The following TDRD1 variants were observed in gnomAD, a reference collection of about 807,000 sequenced individuals.
TDRD1 encodes tudor domain-containing protein 1.
A neutral mutation model predicts 140.6 loss-of-function variants in TDRD1; 37 were observed. The observed-to-expected ratio is 0.26, with a 90% confidence interval of 0.20 to 0.35. TDRD1 has a LOEUF of 0.35. Ranked by LOEUF, TDRD1 falls within the 10% of genes least tolerant of loss-of-function variation. The pLI is 1.00. For missense variants in TDRD1, 1,243 were observed against 1,393.0 expected (o/e 0.89, Z 1.71); for synonymous variants, 506 against 475.7 (o/e 1.06, Z -0.83).
intron 13 of TDRD1, among the ~76,000 whole-genome samples, chr10:114,211,474 A>T (rs1426198182): frequency 6.6e-6 from 1 of 152,146 alleles, no homozygotes; most frequent in Non-Finnish European, 1.5e-5. Context: ...TCCTTCAGTA[A>T]ATTCATCACT....
chr10:114,226,940 G>C (rs1410339454), intron 22 of TDRD1, 132 bp from the exon 23 acceptor site: 9 of 597,454 alleles, frequency 1.5e-5, no homozygotes, highest in Admixed American at 6.2e-5. Flanking sequence ...TAATGCAACA[G>C]CAGTAGTACA....
rs547595119 is a variant in TDRD1, at chr10:114,194,774, T to A, written c.384+3755T>A. On this transcript the variant is annotated intron_variant, in intron 3 of 25. Coordinates refer to ENST00000251864, the Ensembl canonical transcript of TDRD1. ...TGGTTGTTGGTTTTTTTTTTTTTTT[T>A]ATTAGACAAGGTCTCCCTCTGTCAT... Among the ~76,000 whole-genome samples the A allele has an allele frequency of 1.6e-4, 24 of 150,488 alleles. No individual in the cohort carries two copies. The South Asian group carries it at 1.9e-3, about 12-fold the overall frequency.
chr10:114,191,150 T>A (rs2033932957), intron 3 of TDRD1, 131 bp downstream of exon 3: 1 of 1,022,350 alleles, frequency 9.8e-7, no homozygotes, highest in East Asian at 2.7e-5. Context: ...TGTACATTTT[T>A]AAAAAAAGAA....
chr10:114,185,642 C>T (rs1169831428), intron 1 of TDRD1, among the ~76,000 whole-genome samples: 1 of 151,990 alleles, frequency 6.6e-6, no homozygotes, highest in Non-Finnish European at 1.5e-5. Flanking sequence ...GGCTGGAGTG[C>T]AATGGTGTGA....
intron 25 of TDRD1, chr10:114,228,812 G>A (rs1027126787): frequency 2.0e-6 from 2 of 983,898 alleles, no homozygotes; most frequent in African/African-American, 1.7e-5. Flanking sequence ...GGCTGGGGGT[G>A]GTGGCTCACG....
chr10:114,177,987 C>T (rs1245117727), upstream of TDRD1, among the ~76,000 whole-genome samples: 3 of 151,920 alleles, frequency 2.0e-5, no homozygotes, highest in African/African-American at 7.2e-5. Flanking sequence ...CGCCTGCCAC[C>T]ACACCCAGCT....
chr10:114,182,471 T>C (rs1300276883), intron 1 of TDRD1, among the ~76,000 whole-genome samples: 1 of 152,232 alleles, frequency 6.6e-6, no homozygotes, highest in African/African-American at 2.4e-5. Flanking sequence ...CGGATGTTGT[T>C]TCTAAAGTCA....
At chr10:114,228,518 T>G (rs573427383) in intron 25 of TDRD1, 3 of 994,384 alleles carry the variant, frequency 3.0e-6, no homozygotes, top group African/African-American at 3.5e-5. Flanking sequence ...TAAATATGTT[T>G]AGCACTTTTT....
Position 114,205,275 on chromosome 10 carries a change from T to C in TDRD1, c.1297+382T>C, listed in dbSNP as rs968914438. On this transcript the variant is annotated intron_variant, in intron 10 of 25. Coordinates refer to ENST00000251864, the Ensembl canonical transcript of TDRD1. ...TTTGGCTAGTACATAGTAGCTAAGC[T>C]GTGGAAATGGAAATGCTTTAGAATT... Among the ~76,000 whole-genome samples, 10 of 152,238 alleles carry C rather than the reference T, an allele frequency of 6.6e-5. 1 individual carries two copies. Among genetic ancestry groups the C allele is most frequent in the African/African-American group, 1.2e-4 (5 of 41,462 alleles).
intron 3 of TDRD1, among the ~76,000 whole-genome samples, chr10:114,197,427 A>C (rs1231154214): frequency 2.0e-5 from 3 of 151,610 alleles, no homozygotes; most frequent in African/African-American, 7.3e-5. Context: ...TATATCTTTT[A>C]TTTCTTTAGG....
chr10:114,220,623 G>A (rs778237102), exon 19 of TDRD1: 8 of 1,613,244 alleles, frequency 5.0e-6, no homozygotes, highest in Non-Finnish European at 4.2e-6. Context: ...GATTCCAGAT[G>A]TGTGTTGCTG....
At chr10:114,204,680 T>G (rs1370027441) in intron 9 of TDRD1, 42 bp from the exon 10 acceptor site, 1 of 1,556,978 alleles carries the variant, frequency 6.4e-7, no homozygotes. Context: ...AAATCATTTT[T>G]AAATGGTAAT....
exon 26 of TDRD1, chr10:114,231,734 A>T (rs530044999): frequency 4.0e-6 from 2 of 506,112 alleles, no homozygotes; most frequent in African/African-American, 2.0e-5. Context: ...CAAATCAATG[A>T]GAATACTGGC....
exon 2 of TDRD1, chr10:114,187,883 C>G (rs575641347): frequency 1.9e-6 from 3 of 1,608,352 alleles, no homozygotes; most frequent in South Asian, 1.1e-5. Flanking sequence ...TTTGGAAGCA[C>G]CTCCTTGTAA....
intron 1 of TDRD1, among the ~76,000 whole-genome samples, chr10:114,181,290 C>A (rs1272922614): frequency 6.6e-6 from 1 of 152,160 alleles, no homozygotes; most frequent in East Asian, 1.9e-4. Flanking sequence ...AAATATATTT[C>A]TATTTATCAC....
chr10:114,206,543 A>G (rs1449464030), intron 11 of TDRD1, among the ~76,000 whole-genome samples: 1 of 151,756 alleles, frequency 6.6e-6, no homozygotes, highest in Non-Finnish European at 1.5e-5. Context: ...TTCCACATGA[A>G]TCCTTAACAT....
At chr10:114,209,649 G>C (rs17777113) in intron 11 of TDRD1, among the ~76,000 whole-genome samples, 24,692 of 152,036 alleles carry the variant, frequency 0.16, 2,176 homozygotes, top group Middle Eastern at 0.22. Context: ...TTCAACAATC[G>C]ATTGTAACAC....
intron 5 of TDRD1, 61 bp from the exon 6 acceptor site, chr10:114,202,177 G>A: frequency 1.5e-6 from 2 of 1,298,742 alleles, no homozygotes; most frequent in East Asian, 2.3e-5. Context: ...AATTGTGGTT[G>A]ATAGCCCCTA....
chr10:114,210,543 AAAC>A, intron 11 of TDRD1, 35 bp from the exon 12 acceptor site: 3 of 1,530,100 alleles, frequency 2.0e-6, no homozygotes, highest in Non-Finnish European at 2.6e-6. Context: ...CTTTGGATGA[AAAC>A]AAAATGGCTT....
Sources: allele counts gnomAD v4.1 joint callset (sites outside exome capture counted in the v4.1 genomes callset), GRCh38; gene constraint gnomAD v4.1.1; transcripts MANE v1.5; gene names NCBI Gene and HGNC (gene_info 2026-07-23, HGNC 2026-07-21).